Variants in TBC1D5 observed in about 807,000 individuals in gnomAD.
TBC1D5 encodes the protein TBC1 domain family, member 5.
In TBC1D5, 75 loss-of-function variants were observed where a neutral mutation model predicts 100.3. The ratio of observed to expected loss-of-function variants is 0.75; its 90% CI spans 0.62 to 0.91. The LOEUF is 0.91. Among genes scored for constraint, TBC1D5 ranks in the 40% least tolerant of loss-of-function variants. The pLI is 0.00. For missense variants in TBC1D5, 910 were observed against 942.4 expected (o/e 0.97, Z 0.45); for synonymous variants, 323 against 325.6 (o/e 0.99, Z 0.09).
intron 4 of TBC1D5, among the ~76,000 whole-genome samples, chr3:17,422,526 A>C (rs550736575): frequency 6.6e-6 from 1 of 152,094 alleles, no homozygotes; most frequent in Non-Finnish European, 1.5e-5. Flanking sequence ...AACATGATTA[A>C]CAAAATTATA....
intron 13 of TBC1D5, among the ~76,000 whole-genome samples, chr3:17,327,962 G>A (rs2086370342): frequency 6.6e-6 from 1 of 152,054 alleles, no homozygotes. Context: ...AGAGTTGGAT[G>A]TGACTTTAAA....
chr3:17,258,733 G>T, intron 15 of TBC1D5, 142 bp from the exon 16 acceptor site: 2 of 527,956 alleles, frequency 3.8e-6, no homozygotes, highest in East Asian at 3.5e-5. Flanking sequence ...ATTGGGTTTT[G>T]CTTTTATTAA....
chr3:17,629,651 A>C (rs1315725229), intron 1 of TBC1D5, among the ~76,000 whole-genome samples: 1 of 152,242 alleles, frequency 6.6e-6, no homozygotes, highest in Non-Finnish European at 1.5e-5. Flanking sequence ...GAAGTAAAAC[A>C]GTGATGTAAG....
chr3:17,504,739 T>G (rs944711762), intron 3 of TBC1D5, among the ~76,000 whole-genome samples: 6 of 152,216 alleles, frequency 3.9e-5, no homozygotes, highest in Non-Finnish European at 7.3e-5. Context: ...GTAGGGTTTA[T>G]AGTACTTCAG....
chr3:17,183,086 C>T (rs1233352627), intron 19 of TBC1D5, among the ~76,000 whole-genome samples: 1 of 152,134 alleles, frequency 6.6e-6, no homozygotes, highest in African/African-American at 2.4e-5. Context: ...TTGCAACCTC[C>T]AGTATGCCTG....
chr3:17,506,847 C>G (rs1478014542), intron 3 of TBC1D5, among the ~76,000 whole-genome samples: 2 of 151,942 alleles, frequency 1.3e-5, no homozygotes, highest in African/African-American at 4.8e-5. Context: ...AACCCCGTCT[C>G]TACTAAAAAC....
At chr3:17,563,626 T>G (rs376216408) in intron 2 of TBC1D5, among the ~76,000 whole-genome samples, 2 of 152,198 alleles carry the variant, frequency 1.3e-5, no homozygotes, top group African/African-American at 4.8e-5. Flanking sequence ...ACAGTATCTT[T>G]AGAAAGGGCT....
intron 3 of TBC1D5, among the ~76,000 whole-genome samples, chr3:17,445,955 C>A (rs991830883): frequency 1.3e-5 from 2 of 152,142 alleles, no homozygotes; most frequent in Non-Finnish European, 2.9e-5. Flanking sequence ...AGAAGAACAA[C>A]AGGGAAGGAT....
At chr3:17,436,691 T>A (rs1379344849) in intron 3 of TBC1D5, among the ~76,000 whole-genome samples, 1 of 152,178 alleles carries the variant, frequency 6.6e-6, no homozygotes, top group Non-Finnish European at 1.5e-5. Flanking sequence ...TAAAGCCATA[T>A]AATTTCATGA....
At position 17,726,402 on chromosome 3, in the gene TBC1D5, T is replaced by G. The variant is rs767533544; in HGVS notation, c.-101+12941A>C. 4.7e-4 allele frequency among the ~76,000 whole-genome samples: 72 copies of G among 152,214 alleles called. 1 individual carries two copies. Among genetic ancestry groups the G allele is most frequent in the Non-Finnish European group, 8.1e-4 (55 of 68,034 alleles). On this transcript the variant is annotated intron_variant, in intron 1 of 21. Transcript: ENST00000253692. Reference sequence around the variant, plus strand: ...TTTTTGACTTTTTAGTAATAGCCATTGCTGACTGGTATGAGATGGTATCTC... The same window carrying G: ...TTTTTGACTTTTTAGTAATAGCCATGGCTGACTGGTATGAGATGGTATCTC...
chr3:17,581,323 T>C (rs2096694764), intron 2 of TBC1D5, among the ~76,000 whole-genome samples: 1 of 152,170 alleles, frequency 6.6e-6, no homozygotes, highest in Non-Finnish European at 1.5e-5. Context: ...GACTAATATA[T>C]ACCTTTAAAT....
intron 2 of TBC1D5, among the ~76,000 whole-genome samples, chr3:17,572,624 C>A (rs538547845): frequency 6.6e-6 from 1 of 152,178 alleles, no homozygotes; most frequent in East Asian, 1.9e-4. Context: ...TATCAACTAC[C>A]CTGTGGGCTG....
In TBC1D5 at chr3:17,469,261, T is replaced by G. The variant is rs556482615; in HGVS notation, c.97+39213A>C. Among the ~76,000 whole-genome samples the G allele has an allele frequency of 5.3e-5, 8 of 152,314 alleles. No homozygotes were observed. The South Asian group carries it at 1.7e-3, about 32-fold the overall frequency. On this transcript the variant is annotated intron_variant, in intron 3 of 21. Coordinates refer to ENST00000253692, the Ensembl canonical transcript of TBC1D5. The stretch of plus-strand genomic sequence containing the variant: ...AACTGCATTGTTAGGAGCTAAAATG[T>G]AGAAAAAGATGGTATGAAGTATTAC...
chr3:17,393,394 C>A (rs1025403831), intron 8 of TBC1D5, among the ~76,000 whole-genome samples: 1 of 152,138 alleles, frequency 6.6e-6, no homozygotes, highest in Non-Finnish European at 1.5e-5. Flanking sequence ...AATGGCCATA[C>A]TGCCCAAAGT....
At position 17,398,980 on chromosome 3, in the gene TBC1D5, TTTCATAAAC is replaced by T. The variant is rs548827061; in HGVS notation, c.509+4192_509+4200del. The stretch of plus-strand genomic sequence containing the variant: ...TTCCAATTGCCAAGACTGGAAAATG[TTTCATAAAC>T]TTGGGTGATGAACTCAGGCCTTGAA... On this transcript the variant is annotated intron_variant, in intron 8 of 21. Transcript: ENST00000253692. Among the ~76,000 whole-genome samples, 8 of 152,220 alleles carry T rather than the reference TTTCATAAAC, an allele frequency of 5.3e-5. No homozygotes were observed. In the East Asian group the frequency reaches 1.5e-3, roughly 29 times the overall value.
At chr3:17,295,358 A>C (rs1397469687) in intron 14 of TBC1D5, among the ~76,000 whole-genome samples, 1 of 152,212 alleles carries the variant, frequency 6.6e-6, no homozygotes, top group East Asian at 1.9e-4. Flanking sequence ...GGTTTCTGTA[A>C]GAGTGGGCCA....
intron 2 of TBC1D5, among the ~76,000 whole-genome samples, chr3:17,523,644 AAGC>A (rs1273541344): frequency 1.3e-5 from 2 of 152,208 alleles, no homozygotes; most frequent in Non-Finnish European, 2.9e-5. Flanking sequence ...CACTGAGAAA[AAGC>A]AGCTGCAAAA....
intron 2 of TBC1D5, among the ~76,000 whole-genome samples, chr3:17,613,049 C>A (rs1234269507): frequency 6.6e-6 from 1 of 152,140 alleles, no homozygotes; most frequent in Admixed American, 6.5e-5. Context: ...CCTCACCCCA[C>A]AACAGACCCC....
chr3:17,465,873 G>A (rs2095292389), intron 3 of TBC1D5, among the ~76,000 whole-genome samples: 1 of 152,168 alleles, frequency 6.6e-6, no homozygotes, highest in African/African-American at 2.4e-5. Context: ...GTTTACACAA[G>A]GTAAATACCA....
Sources: allele counts gnomAD v4.1 joint callset (sites outside exome capture counted in the v4.1 genomes callset), GRCh38; gene constraint gnomAD v4.1.1; transcripts MANE v1.5; gene names NCBI Gene and HGNC (gene_info 2026-07-23, HGNC 2026-07-21).